EDIL3: variants seen among roughly 807,000 people sequenced by gnomAD.
EDIL3 encodes the protein EGF-like repeat and discoidin I-like domain-containing protein 3.
Under a neutral mutation model 67.4 loss-of-function variants are expected in EDIL3, and 37 were observed. That is an observed-to-expected ratio of 0.55 (90% CI 0.42 to 0.72). The LOEUF is 0.72. EDIL3 is among the 30% of genes least tolerant of loss of function. The pLI, the probability that EDIL3 is intolerant of heterozygous loss-of-function variation, is 0.00. For synonymous variants in EDIL3, 195 were observed against 196.3 expected (o/e 0.99, Z 0.05); for missense variants, 527 against 586.3 (o/e 0.90, Z 1.04).
At chr5:84,134,422 T>C (rs1748052800) in intron 5 of EDIL3, among the ~76,000 whole-genome samples, 1 of 152,004 alleles carries the variant, frequency 6.6e-6, no homozygotes, top group African/African-American at 2.4e-5. Context: ...AGAAGAAAGG[T>C]TGTCAATCAT....
At chr5:84,049,824 T>C (rs184760905) in intron 9 of EDIL3, among the ~76,000 whole-genome samples, 1 of 152,230 alleles carries the variant, frequency 6.6e-6, no homozygotes, top group Non-Finnish European at 1.5e-5. Flanking sequence ...ATTTTTGCCA[T>C]GTCCCGATAG....
intron 6 of EDIL3, among the ~76,000 whole-genome samples, chr5:84,087,215 C>T (rs184841111): frequency 2.2e-4 from 34 of 152,344 alleles, no homozygotes; most frequent in Admixed American, 9.8e-4. Context: ...TTATTAATCA[C>T]TGGCTTTATG....
At chr5:84,361,460 CT>C (rs1747599281) in intron 1 of EDIL3, among the ~76,000 whole-genome samples, 1 of 151,930 alleles carries the variant, frequency 6.6e-6, no homozygotes, top group South Asian at 2.1e-4. Flanking sequence ...AAGTGCAACC[CT>C]TACTTCAAAA....
intron 6 of EDIL3, among the ~76,000 whole-genome samples, chr5:84,081,362 T>G (rs1399187134): frequency 6.6e-6 from 1 of 152,130 alleles, no homozygotes; most frequent in Non-Finnish European, 1.5e-5. Flanking sequence ...ATTGTAAATA[T>G]TAAGGTAGTC....
intron 3 of EDIL3, among the ~76,000 whole-genome samples, chr5:84,226,913 G>A (rs953115847): frequency 4.0e-5 from 6 of 151,836 alleles, no homozygotes; most frequent in East Asian, 1.9e-4. Context: ...TCTTAGTGAG[G>A]AGAGAAGTTA....
intron 9 of EDIL3, among the ~76,000 whole-genome samples, chr5:84,011,963 C>T (rs1745524357): frequency 6.6e-6 from 1 of 152,134 alleles, no homozygotes; most frequent in Admixed American, 6.6e-5. Context: ...TGTTGACTGG[C>T]ACCTTCTCCA....
intron 1 of EDIL3, among the ~76,000 whole-genome samples, chr5:84,291,416 T>C (rs779460419): frequency 2.6e-5 from 4 of 151,946 alleles, no homozygotes; most frequent in African/African-American, 2.4e-5. Flanking sequence ...TTTTTGAAAA[T>C]ATAGGTATAT....
At chr5:84,106,258 A>G (rs1430278954) in intron 6 of EDIL3, among the ~76,000 whole-genome samples, 1 of 152,082 alleles carries the variant, frequency 6.6e-6, no homozygotes, top group African/African-American at 2.4e-5. Flanking sequence ...TATATTTTAT[A>G]CTTGCATTTG....
At chr5:84,162,706 C>T (rs533284853) in intron 4 of EDIL3, among the ~76,000 whole-genome samples, 12 of 152,156 alleles carry the variant, frequency 7.9e-5, no homozygotes, top group African/African-American at 2.9e-4. Flanking sequence ...AACAGAGCTT[C>T]TTGGTTTTGA....
chr5:84,082,552 A>C (rs1746988804), intron 6 of EDIL3, among the ~76,000 whole-genome samples: 1 of 152,196 alleles, frequency 6.6e-6, no homozygotes, highest in African/African-American at 2.4e-5. Flanking sequence ...ATCAAGGGAC[A>C]ACTTAGCATT....
chr5:84,035,851 A>G (rs1276822172), intron 9 of EDIL3, among the ~76,000 whole-genome samples: 1 of 152,156 alleles, frequency 6.6e-6, no homozygotes, highest in East Asian at 1.9e-4. Context: ...TGTTCTAAGT[A>G]AGTCTTCTAA....
chr5:84,256,059 G>A (rs1745116569), intron 1 of EDIL3, among the ~76,000 whole-genome samples: 1 of 152,066 alleles, frequency 6.6e-6, no homozygotes, highest in Non-Finnish European at 1.5e-5. Flanking sequence ...TGAATGGGGT[G>A]ATTGATGACT....
At chr5:84,100,280 T>C (rs571637695) in intron 6 of EDIL3, among the ~76,000 whole-genome samples, 1 of 152,228 alleles carries the variant, frequency 6.6e-6, no homozygotes, top group African/African-American at 2.4e-5. Flanking sequence ...TGCACATGTG[T>C]GTTTATTGCA....
intron 6 of EDIL3, among the ~76,000 whole-genome samples, chr5:84,086,362 T>C (rs1032137863): frequency 6.1e-4 from 93 of 152,258 alleles, no homozygotes; most frequent in African/African-American, 2.2e-3. Flanking sequence ...GTACCCAGGA[T>C]GGGTAGCACA....
chr5:84,299,334 C>A (rs552372129), intron 1 of EDIL3, among the ~76,000 whole-genome samples: 182 of 138,836 alleles, frequency 1.3e-3, no homozygotes, highest in African/African-American at 4.2e-3. Context: ...GGACTCTCAG[C>A]ATTATTTTTT....
intron 4 of EDIL3, among the ~76,000 whole-genome samples, chr5:84,158,492 G>A (rs1054080080): frequency 1.3e-5 from 2 of 152,006 alleles, no homozygotes; most frequent in Non-Finnish European, 2.9e-5. Context: ...AAAGATGAAA[G>A]AGCATTCAGA....
intron 4 of EDIL3, among the ~76,000 whole-genome samples, chr5:84,140,315 AGAAG>A (rs1383490663): frequency 6.6e-6 from 1 of 152,214 alleles, no homozygotes; most frequent in African/African-American, 2.4e-5. Context: ...TAATGTTAAT[AGAAG>A]GAAGTTCTCA....
chr5:84,052,744 A>G (rs1746365762), intron 9 of EDIL3, among the ~76,000 whole-genome samples: 1 of 152,266 alleles, frequency 6.6e-6, no homozygotes, highest in African/African-American at 2.4e-5. Context: ...GAATCAATTC[A>G]ACAAGAAGAG....
At chr5:84,307,758 G>A (rs371844297) in intron 1 of EDIL3, among the ~76,000 whole-genome samples, 2 of 152,104 alleles carry the variant, frequency 1.3e-5, no homozygotes, top group Non-Finnish European at 2.9e-5. Flanking sequence ...AAAAAATACA[G>A]GAGGAGAAAT....
Sources: allele counts gnomAD v4.1 joint callset (sites outside exome capture counted in the v4.1 genomes callset), GRCh38; gene constraint gnomAD v4.1.1; transcripts MANE v1.5; gene names NCBI Gene and HGNC (gene_info 2026-07-23, HGNC 2026-07-21).